DPP3: variants seen among roughly 807,000 people sequenced by gnomAD.
The protein encoded by DPP3 is dipeptidyl peptidase 3, also known as DPP III.
A neutral mutation model predicts 89.8 loss-of-function variants in DPP3; 64 were observed. That is an observed-to-expected ratio of 0.71 (90% CI 0.58 to 0.88). DPP3 has a LOEUF of 0.88. Ranked by LOEUF, DPP3 falls within the 40% of genes least tolerant of loss-of-function variation. The pLI is 0.00. For synonymous variants in DPP3, 377 were observed against 404.3 expected, an observed-to-expected ratio of 0.93 and a Z score of 0.81; for missense variants, 835 against 972.5, an observed-to-expected ratio of 0.86 and a Z score of 1.88.
chr11:66,499,610 A>C (rs1855629857), intron 16 of DPP3, among the ~76,000 whole-genome samples: 1 of 151,420 alleles, frequency 6.6e-6, no homozygotes, highest in Admixed American at 6.6e-5. Flanking sequence ...TCTCTACTAA[A>C]AATACAAAAA....
chr11:66,492,849 C>T lies in DPP3; in HGVS notation c.1122C>T (p.Thr374=), dbSNP rs781662443. The change falls in exon 10 of 18, where the codon ACC becomes ACT. Residue 374 remains threonine (T), a synonymous_variant. Transcript: ENST00000531863. ...ACAAGTTCCTCACCCCTGACTTCAC[C>T]TCCCTGGATGTTCTCACCTTCGCTG... ...EKDKFLTPDF[T]SLDVLTFAGS... 6.2e-7 allele frequency: 1 copy of T among 1,614,160 alleles called. No homozygotes were observed. Among genetic ancestry groups the T allele is most frequent in the Non-Finnish European group, 8.5e-7 (1 of 1,180,028 alleles).
intron 16 of DPP3, among the ~76,000 whole-genome samples, chr11:66,501,582 T>C (rs1296131867): frequency 1.3e-5 from 2 of 151,928 alleles, no homozygotes; most frequent in African/African-American, 4.8e-5. Context: ...CCCAGCACTT[T>C]GGGAGGCTGA....
chr11:66,500,037 A>G (rs1855641058), intron 16 of DPP3, among the ~76,000 whole-genome samples: 1 of 152,112 alleles, frequency 6.6e-6, no homozygotes, highest in South Asian at 2.1e-4. Flanking sequence ...TGTACTGACA[A>G]AGGGTTCATA....
rs1280912451 is a variant in DPP3, at chr11:66,495,748, C to T, written c.1696C>T (p.Gln566Ter). Residue 566 changes from glutamine (Q) to a stop codon, truncating the protein, a stop_gained and splice_region_variant, in exon 15 of 18, where the codon CAG (glutamine) becomes TAG (stop). Coordinates refer to ENST00000531863, the MANE Select transcript of DPP3 (RefSeq NM_130443.4). LOFTEE classifies it high-confidence loss of function. ...CACACCTGAGGCCTTCAACTGGCGA[C>T]AGGTAGGGCCTAGGTGGAGCCCCCT... Reference protein sequence around the residue: ...FYTPEAFNWRQAHMQARFVIL... With the variant: ...FYTPEAFNWR 4 of 1,605,388 alleles carry T rather than the reference C, an allele frequency of 2.5e-6. No individual in the cohort carries two copies. The highest frequency in any genetic ancestry group is 1.7e-5 in the Admixed American group (1 of 58,262).
At chr11:66,495,298 T>A (rs769550356) in intron 13 of DPP3, 30 bp downstream of exon 13, 2 of 1,613,740 alleles carry the variant, frequency 1.2e-6, no homozygotes, top group Non-Finnish European at 8.5e-7. Context: ...AGCCCCAGGG[T>A]ACTGGGAGGG....
In DPP3 at chr11:66,508,930, A is replaced by G; in HGVS notation, c.2042-149A>G. The stretch of plus-strand genomic sequence containing the variant: ...GGTTACTGTAAAGAGTAAATTAAGT[A>G]ATTAACCTAAAACGTAGAGCACAGG... On this transcript the variant is annotated intron_variant, in intron 17 of 17. Coordinates refer to ENST00000531863, the MANE Select transcript of DPP3 (RefSeq NM_130443.4). 3 of 950,710 alleles carry G rather than the reference A, an allele frequency of 3.2e-6. 1 individual carries two copies. In the Admixed American group the frequency reaches 7.3e-5, roughly 23 times the overall value. 58.9% of individuals were successfully genotyped at this position (950,710 alleles called of 1,614,324 possible).
intron 9 of DPP3, chr11:66,492,385 T>G: frequency 2.5e-5 from 6 of 237,936 alleles, no homozygotes; most frequent in Non-Finnish European, 4.0e-5. Flanking sequence ...AGCCCCTGGA[T>G]TTAGAAGAGT....
chr11:66,505,748 T>C (rs373782174), intron 17 of DPP3, among the ~76,000 whole-genome samples: 5 of 141,872 alleles, frequency 3.5e-5, no homozygotes, highest in African/African-American at 1.3e-4. Context: ...CTTGAAAGAG[T>C]GAGGTAGGAG....
intron 16 of DPP3, among the ~76,000 whole-genome samples, chr11:66,502,804 C>T (rs1855712713): frequency 6.6e-6 from 1 of 151,484 alleles, no homozygotes. Flanking sequence ...TTTCACAGTG[C>T]TAGCCAGGAT....
intron 16 of DPP3, among the ~76,000 whole-genome samples, chr11:66,501,411 G>T (rs1855673429): frequency 6.6e-6 from 1 of 151,694 alleles, no homozygotes; most frequent in Non-Finnish European, 1.5e-5. Flanking sequence ...AGATGAAGTT[G>T]TGTGTTTATA....
intron 6 of DPP3, 55 bp downstream of exon 6, chr11:66,488,062 G>A: frequency 1.3e-6 from 2 of 1,513,442 alleles, no homozygotes; most frequent in Non-Finnish European, 1.8e-6. Context: ...TCCGGACCTG[G>A]GTGGCTCAGG....
chr11:66,491,759 A>C lies in DPP3; in HGVS notation c.988+3A>C. The stretch of plus-strand genomic sequence containing the variant: ...TGGTTCCCGAGGAGAATTTGAAGGT[A>C]ACTTCCTCAGGGAGGAGGTCAGTCA... On this transcript the variant is annotated splice_donor_region_variant and intron_variant, in intron 9 of 17. Transcript: ENST00000531863. The C allele has an allele frequency of 6.2e-7, 1 of 1,613,462 alleles. No homozygotes were observed. Among genetic ancestry groups the C allele is most frequent in the East Asian group, 2.2e-5 (1 of 44,840 alleles).
chr11:66,497,818 G>C (rs916914221), intron 16 of DPP3, among the ~76,000 whole-genome samples: 1 of 151,906 alleles, frequency 6.6e-6, no homozygotes, highest in Non-Finnish European at 1.5e-5. Flanking sequence ...TTGAGCCTGA[G>C]GGGTCGAGGC....
At chr11:66,486,407 G>C (rs1855227945) in intron 3 of DPP3, 133 bp from the exon 4 acceptor site, 5 of 1,130,454 alleles carry the variant, frequency 4.4e-6, no homozygotes, top group Non-Finnish European at 5.9e-6. Context: ...ACCTACAAGT[G>C]CTGCTGGTCC....
Position 66,501,825 on chromosome 11 carries a change from C to CAAAAAAAAA in DPP3, c.1879-2780_1879-2772dup, listed in dbSNP as rs35196491. Among the ~76,000 whole-genome samples, 500 of 83,380 alleles carry CAAAAAAAAA rather than the reference C, an allele frequency of 6.0e-3. 1 individual carries two copies. Among genetic ancestry groups the CAAAAAAAAA allele is most frequent in the Non-Finnish European group, 9.0e-3 (371 of 41,428 alleles). The allele number at this position is 83,380 out of a possible 152,430, so 54.7% of individuals were successfully genotyped here. A position where few individuals can be genotyped will look rare whatever the true frequency, so the allele number is the denominator to read the frequency against. ...GGGTAATAGACTGAGACTTTGTCTCCAAAAAAAAAAAAAAAGCAGGCAAGA... is the reference window on the plus strand; with the variant it reads ...GGGTAATAGACTGAGACTTTGTCTCCAAAAAAAAAAAAAAAAAAAAAAAAGCAGGCAAGA... On this transcript the variant is annotated intron_variant, in intron 16 of 17. Transcript: ENST00000531863.
intron 9 of DPP3, among the ~76,000 whole-genome samples, chr11:66,492,103 C>T (rs1024514035): frequency 3.3e-5 from 5 of 152,206 alleles, no homozygotes. Flanking sequence ...AGCCATGTGC[C>T]TCCCAAGCCC....
At chr11:66,499,089 G>A (rs1169777829) in intron 16 of DPP3, among the ~76,000 whole-genome samples, 2 of 152,258 alleles carry the variant, frequency 1.3e-5, no homozygotes, top group East Asian at 1.9e-4. Flanking sequence ...GGTGCTGGGC[G>A]CGGTGGCTCA....
intron 17 of DPP3, among the ~76,000 whole-genome samples, chr11:66,505,873 T>A (rs1380109870): frequency 6.6e-6 from 1 of 152,052 alleles, no homozygotes; most frequent in Non-Finnish European, 1.5e-5. Flanking sequence ...GAATAATATT[T>A]GCAAAAAGTC....
chr11:66,495,269 G>A lies in DPP3; in HGVS notation c.1452+1G>A. 3.1e-6 allele frequency: 5 copies of A among 1,613,448 alleles called. No homozygotes were observed. The highest frequency in any genetic ancestry group is 4.2e-6 in the Non-Finnish European group (5 of 1,180,022). ...GATCAACCCAGAGACGGGCGAGCAG[G>A]TGAGGGAGGCCTCAGCAGAGCCCCA... On this transcript the variant is annotated splice_donor_variant, in intron 13 of 17. Transcript: ENST00000531863. LOFTEE classifies it high-confidence loss of function.
Sources: gnomAD v4.1 joint callset for allele counts (sites outside exome capture counted in the v4.1 genomes callset) on GRCh38, gnomAD v4.1.1 for gene constraint, MANE v1.5 for transcripts, NCBI Gene and HGNC (gene_info 2026-07-23, HGNC 2026-07-21) for gene names.